Variants in EPHA6 observed in about 807,000 individuals in gnomAD.
The protein encoded by EPHA6 is EPH receptor A6, also known as ephrin type-A receptor 6.
A neutral mutation model predicts 112.0 loss-of-function variants in EPHA6; 50 were observed. That is an observed-to-expected ratio of 0.45 (90% confidence interval 0.36 to 0.56). The LOEUF (loss-of-function observed/expected upper bound fraction) is 0.56, where lower values mean the gene tolerates loss of function less well. Among genes scored for constraint, EPHA6 ranks in the 20% least tolerant of loss-of-function variants. The probability of loss-of-function intolerance (pLI) is 0.00; values close to 1 mark genes in which losing one functional copy is unlikely to be tolerated. For synonymous variants in EPHA6, 529 were observed against 490.7 expected, an observed-to-expected ratio of 1.08 and a Z score of -1.03; for missense variants, 1,280 against 1,417.4, an observed-to-expected ratio of 0.90 and a Z score of 1.56.
intron 3 of EPHA6, among the ~76,000 whole-genome samples, chr3:97,181,750 A>C (rs1199353771): frequency 6.6e-6 from 1 of 152,086 alleles, no homozygotes; most frequent in Non-Finnish European, 1.5e-5. Context: ...TAGCCACACA[A>C]TGGTTGATGA....
chr3:97,300,636 A>G (rs1438026179), intron 5 of EPHA6, among the ~76,000 whole-genome samples: 1 of 152,150 alleles, frequency 6.6e-6, no homozygotes, highest in Non-Finnish European at 1.5e-5. Flanking sequence ...AAATACCAGG[A>G]GACCTCTAGT....
At chr3:97,394,280 T>C (rs1167609333) in intron 5 of EPHA6, among the ~76,000 whole-genome samples, 1 of 151,674 alleles carries the variant, frequency 6.6e-6, no homozygotes, top group Non-Finnish European at 1.5e-5. Context: ...TTAAAATGGA[T>C]TAAAGACATG....
intron 3 of EPHA6, among the ~76,000 whole-genome samples, chr3:97,218,315 T>C (rs1413620774): frequency 6.6e-6 from 1 of 152,092 alleles, no homozygotes; most frequent in Non-Finnish European, 1.5e-5. Context: ...AGTCTGTGTA[T>C]TAGTCCATTT....
intron 4 of EPHA6, among the ~76,000 whole-genome samples, chr3:97,233,282 T>A: frequency 6.7e-6 from 1 of 148,228 alleles, no homozygotes; most frequent in Non-Finnish European, 1.5e-5. Flanking sequence ...TAGTATGGAG[T>A]GACCCTAGCA....
chr3:96,819,462 T>C (rs948008661), intron 1 of EPHA6, among the ~76,000 whole-genome samples: 2 of 152,012 alleles, frequency 1.3e-5, no homozygotes, highest in Admixed American at 6.6e-5. Context: ...CCACCTCACA[T>C]ACACAAATGC....
chr3:97,127,847 G>A (rs2048225208), intron 3 of EPHA6, among the ~76,000 whole-genome samples: 1 of 151,908 alleles, frequency 6.6e-6, no homozygotes, highest in African/African-American at 2.4e-5. Flanking sequence ...CTGGATGAAA[G>A]CTGTGAAATT....
intron 5 of EPHA6, among the ~76,000 whole-genome samples, chr3:97,262,693 T>C (rs182818687): frequency 1.6e-3 from 248 of 152,320 alleles, no homozygotes; most frequent in Non-Finnish European, 2.5e-3. Context: ...TTTTCATATC[T>C]ACCACTCCTC....
At chr3:97,151,620 T>TAATAAC (rs2076173639) in intron 3 of EPHA6, among the ~76,000 whole-genome samples, 3 of 152,168 alleles carry the variant, frequency 2.0e-5, no homozygotes, top group South Asian at 4.1e-4. Flanking sequence ...GCCCCATTTT[T>TAATAAC]AATAACTAGG....
At chr3:97,623,488 C>T (rs1305335380) in intron 13 of EPHA6, among the ~76,000 whole-genome samples, 1 of 151,598 alleles carries the variant, frequency 6.6e-6, no homozygotes, top group Non-Finnish European at 1.5e-5. Flanking sequence ...ATTTATTTCT[C>T]ACAGTTCTGG....
intron 6 of EPHA6, among the ~76,000 whole-genome samples, chr3:97,421,083 C>T (rs189589454): frequency 6.6e-6 from 1 of 151,918 alleles, no homozygotes; most frequent in East Asian, 1.9e-4. Flanking sequence ...AGCAAATAGC[C>T]GTCTTAGTGA....
chr3:97,481,491 T>G, intron 9 of EPHA6: 1 of 1,139,430 alleles, frequency 8.8e-7, no homozygotes, highest in Non-Finnish European at 1.3e-6. Context: ...GCACAAACCA[T>G]AGTTCCGGTT....
intron 5 of EPHA6, among the ~76,000 whole-genome samples, chr3:97,307,853 A>C (rs552129380): frequency 4.0e-5 from 6 of 151,846 alleles, no homozygotes; most frequent in South Asian, 2.1e-4. Flanking sequence ...ATTTCAAACT[A>C]TCTCTCTCTA....
At chr3:96,936,109 C>T (rs1167476028) in intron 2 of EPHA6, among the ~76,000 whole-genome samples, 1 of 152,028 alleles carries the variant, frequency 6.6e-6, no homozygotes, top group African/African-American at 2.4e-5. Flanking sequence ...TCTGGATGTA[C>T]ATGCTGCAGC....
intron 10 of EPHA6, among the ~76,000 whole-genome samples, chr3:97,494,643 C>A (rs35326876): frequency 0.084 from 12,828 of 152,118 alleles, 841 homozygotes; most frequent in Non-Finnish European, 0.13. Flanking sequence ...TCCAAGATAG[C>A]CCATTCCCTT....
intron 2 of EPHA6, among the ~76,000 whole-genome samples, chr3:96,875,756 A>G (rs1035514147): frequency 6.6e-6 from 1 of 151,784 alleles, no homozygotes; most frequent in Non-Finnish European, 1.5e-5. Context: ...CACATACACA[A>G]ACACACACAT....
intron 2 of EPHA6, among the ~76,000 whole-genome samples, chr3:96,963,101 G>T (rs2042003530): frequency 6.7e-6 from 1 of 149,674 alleles, no homozygotes; most frequent in Non-Finnish European, 1.5e-5. Context: ...TGCGGAGGTT[G>T]CAGTGAGCTG....
At chr3:97,693,624 G>A (rs1169239720) in intron 14 of EPHA6, among the ~76,000 whole-genome samples, 1 of 152,070 alleles carries the variant, frequency 6.6e-6, no homozygotes, top group Non-Finnish European at 1.5e-5. Context: ...TGGCTAACAC[G>A]GTGAAACCCC....
chr3:97,271,310 A>C (rs1270078769), intron 5 of EPHA6, among the ~76,000 whole-genome samples: 2 of 152,050 alleles, frequency 1.3e-5, no homozygotes, highest in Non-Finnish European at 2.9e-5. Context: ...TACTGAAACA[A>C]ATAATTATTA....
chr3:97,227,720 A>G (rs1166846013), intron 4 of EPHA6, among the ~76,000 whole-genome samples: 2 of 151,906 alleles, frequency 1.3e-5, no homozygotes, highest in African/African-American at 4.9e-5. Context: ...CACATGGGCA[A>G]TTGAGCTTCA....
Sources: allele counts gnomAD v4.1 joint callset (sites outside exome capture counted in the v4.1 genomes callset), GRCh38; gene constraint gnomAD v4.1.1; transcripts MANE v1.5; gene names NCBI Gene and HGNC (gene_info 2026-07-23, HGNC 2026-07-21).